The following INSYN2A variants were observed in gnomAD, a reference collection of about 807,000 sequenced individuals.
The protein encoded by INSYN2A is family with sequence similarity 196 member A.
In INSYN2A, 17 loss-of-function variants were observed where a neutral mutation model predicts 39.4. That is an observed-to-expected ratio of 0.43 (90% CI 0.30 to 0.65). INSYN2A has a LOEUF of 0.65. INSYN2A is among the 30% of genes least tolerant of loss of function. INSYN2A has a pLI of 0.14. For missense variants in INSYN2A, 595 were observed against 631.2 expected, an observed-to-expected ratio of 0.94 and a Z score of 0.61; for synonymous variants, 255 against 265.7, an observed-to-expected ratio of 0.96 and a Z score of 0.39.
chr10:127,190,730 G>A (rs913290412), intron 2 of INSYN2A, among the ~76,000 whole-genome samples: 6 of 119,202 alleles, frequency 5.0e-5, no homozygotes, highest in East Asian at 2.7e-4. Flanking sequence ...ATCCCCCACC[G>A]CCTTGCTGGC....
In INSYN2A at chr10:127,137,901, G is replaced by A; in HGVS notation, c.1376C>T (p.Thr459Ile). 6.2e-7 allele frequency: 1 copy of A among 1,614,152 alleles called. No individual in the cohort carries two copies. The highest frequency in any genetic ancestry group is 1.6e-4 in the Middle Eastern group (1 of 6,062). The part of the protein sequence containing the change: ...SPYSQETYSS[T>I]PKQKSKTESK... Reference sequence around the variant, plus strand: ...TTCAGTTTTGGATTTTTGCTTGGGAGTTGAGGAGTAAGTCTCCTGAGAGTA... The same window carrying A: ...TTCAGTTTTGGATTTTTGCTTGGGAATTGAGGAGTAAGTCTCCTGAGAGTA... Residue 459 changes from threonine (T) to isoleucine (I), a missense_variant, in exon 6 of 6, where the codon ACT becomes ATT. Transcript: ENST00000522781.
chr10:127,152,046 A>G (rs1412430757), intron 5 of INSYN2A, among the ~76,000 whole-genome samples: 1 of 152,102 alleles, frequency 6.6e-6, no homozygotes, highest in African/African-American at 2.4e-5. Context: ...CACCCACAGA[A>G]TATTACGTAG....
At chr10:127,153,790 T>G in intron 5 of INSYN2A, 62 bp downstream of exon 5, 1 of 1,305,618 alleles carries the variant, frequency 7.7e-7, no homozygotes, top group Non-Finnish European at 1.1e-6. Flanking sequence ...TTCTTGCATT[T>G]GTGGGTAAAC....
At chr10:127,174,779 T>C (rs1004661236) in intron 4 of INSYN2A, among the ~76,000 whole-genome samples, 1 of 152,260 alleles carries the variant, frequency 6.6e-6, no homozygotes, top group Non-Finnish European at 1.5e-5. Context: ...CTTTTCCAAA[T>C]GTCACATGAA....
chr10:127,142,595 C>G (rs2051372422), intron 5 of INSYN2A, among the ~76,000 whole-genome samples: 1 of 152,156 alleles, frequency 6.6e-6, no homozygotes, highest in Non-Finnish European at 1.5e-5. Context: ...CAAACACAGG[C>G]TGTAGATTTT....
At chr10:127,162,635 C>T (rs1019079928) in intron 4 of INSYN2A, among the ~76,000 whole-genome samples, 1 of 152,200 alleles carries the variant, frequency 6.6e-6, no homozygotes, top group African/African-American at 2.4e-5. Flanking sequence ...ATCACCTGTA[C>T]ATGTAAACTC....
At chr10:127,138,103 T>C in intron 5 of INSYN2A, 83 bp from the exon 6 acceptor site, 1 of 1,205,064 alleles carries the variant, frequency 8.3e-7, no homozygotes, top group Non-Finnish European at 1.2e-6. Flanking sequence ...GATTTGGGCA[T>C]GATCAGTGTG....
At chr10:127,159,823 G>A (rs1292692150) in intron 4 of INSYN2A, among the ~76,000 whole-genome samples, 1 of 152,096 alleles carries the variant, frequency 6.6e-6, no homozygotes, top group African/African-American at 2.4e-5. Context: ...GGTGGCTGCC[G>A]GCCTCAGCCT....
At chr10:127,149,693 A>G (rs532369754) in intron 5 of INSYN2A, among the ~76,000 whole-genome samples, 66 of 95,574 alleles carry the variant, frequency 6.9e-4, no homozygotes, top group Admixed American at 6.4e-3. Context: ...TTGGCCTTCC[A>G]GAAAGCAGGG....
Position 127,136,543 on chromosome 10 carries a change from A to G in INSYN2A, c.*1294T>C, listed in dbSNP as rs538783543. On this transcript the variant is annotated 3_prime_UTR_variant, in exon 6 of 6. Transcript: ENST00000522781. ...ATTGTGAAAATCAAAAAATTGATAG[A>G]CAAAGTCATTAATAGACTAGGGGAT... is the stretch of plus-strand genomic sequence containing the variant. 6.5e-6 allele frequency: 1 copy of G among 152,728 alleles called. No individual in the cohort carries two copies. The highest frequency in any genetic ancestry group is 2.1e-4 in the South Asian group (1 of 4,832). The allele number at this position is 152,728 out of a possible 1,614,324, so 9.5% of individuals were successfully genotyped here.
At chr10:127,186,310 CA>C (rs1257566356) in intron 2 of INSYN2A, among the ~76,000 whole-genome samples, 1 of 152,106 alleles carries the variant, frequency 6.6e-6, no homozygotes, top group Non-Finnish European at 1.5e-5. Flanking sequence ...TGGCAGAAGG[CA>C]AAGGAGAAGC....
At chr10:127,148,095 A>C (rs184841578) in intron 5 of INSYN2A, among the ~76,000 whole-genome samples, 18 of 152,016 alleles carry the variant, frequency 1.2e-4, no homozygotes, top group African/African-American at 4.3e-4. Context: ...ATCATATCAA[A>C]CAGTGAAAGC....
intron 4 of INSYN2A, among the ~76,000 whole-genome samples, chr10:127,157,938 T>A (rs1172690848): frequency 3.9e-5 from 6 of 152,258 alleles, no homozygotes. Context: ...AATCAGGGTA[T>A]GCCTGCTAAA....
At chr10:127,192,580 G>T (rs772611408) in intron 2 of INSYN2A, 25 bp downstream of exon 2, 2 of 152,190 alleles carry the variant, frequency 1.3e-5, no homozygotes, top group African/African-American at 2.4e-5. Flanking sequence ...CGACTCAAAT[G>T]CACACTGAAT....
Position 127,160,446 on chromosome 10 carries a change from G to A in INSYN2A, c.1185-6523C>T, listed in dbSNP as rs183425738. Among the ~76,000 whole-genome samples, 15 of 152,314 alleles carry A rather than the reference G, an allele frequency of 9.8e-5. No individual in the cohort carries two copies. In the East Asian group the frequency reaches 2.5e-3, roughly 26 times the overall value. ...TGCAGAGTTCAGCAGCATGCTGTGG[G>A]CCCCTCCCTGGAAGATGTGTTCAGT... On this transcript the variant is annotated intron_variant, in intron 4 of 5. Transcript: ENST00000522781.
intron 5 of INSYN2A, among the ~76,000 whole-genome samples, chr10:127,143,428 G>A (rs1303253548): frequency 6.6e-6 from 1 of 152,182 alleles, no homozygotes; most frequent in African/African-American, 2.4e-5. Flanking sequence ...CTACCACTGT[G>A]GATAAATCAC....
At chr10:127,157,468 A>G (rs754339187) in intron 4 of INSYN2A, among the ~76,000 whole-genome samples, 1 of 152,234 alleles carries the variant, frequency 6.6e-6, no homozygotes, top group African/African-American at 2.4e-5. Flanking sequence ...GTTGAATGAC[A>G]TGGAAACACT....
intron 4 of INSYN2A, among the ~76,000 whole-genome samples, chr10:127,155,938 C>T (rs2053001676): frequency 6.6e-6 from 1 of 152,148 alleles, no homozygotes; most frequent in African/African-American, 2.4e-5. Flanking sequence ...TACTGCTCTA[C>T]TATTGTGTTG....
At chr10:127,161,896 C>G (rs551871185) in intron 4 of INSYN2A, among the ~76,000 whole-genome samples, 1 of 152,208 alleles carries the variant, frequency 6.6e-6, no homozygotes, top group Non-Finnish European at 1.5e-5. Flanking sequence ...TGTCTCAGAT[C>G]TATGGGGGTT....
Sources: gnomAD v4.1 joint callset for allele counts (sites outside exome capture counted in the v4.1 genomes callset) on GRCh38, gnomAD v4.1.1 for gene constraint, MANE v1.5 for transcripts, NCBI Gene and HGNC (gene_info 2026-07-23, HGNC 2026-07-21) for gene names.